Variants in PCLO observed in about 807,000 individuals in gnomAD.
The protein encoded by PCLO is piccolo presynaptic cytomatrix protein, also known as protein piccolo.
PCLO carries 82 observed loss-of-function variants against 427.5 expected under a neutral mutation model. That is an observed-to-expected ratio of 0.19 (90% CI 0.16 to 0.23). PCLO has a LOEUF of 0.23. Among genes scored for constraint, PCLO ranks in the 10% least tolerant of loss-of-function variants. The pLI is 1.00. For missense variants in PCLO, 6,239 were observed against 6,115.9 expected (o/e 1.02, Z -0.67); for synonymous variants, 2,357 against 2,155.4 (o/e 1.09, Z -2.59).
At position 83,024,252 on chromosome 7, in the gene PCLO, C is replaced by T. The variant is rs191808023; in HGVS notation, c.3301-57765G>A. 6.6e-3 allele frequency among the ~76,000 whole-genome samples: 1,003 copies of T among 152,266 alleles called. 12 individuals are homozygous for T. The highest frequency in any genetic ancestry group is 0.023 in the African/African-American group (950 of 41,566). The stretch of plus-strand genomic sequence containing the variant: ...GGCTCAAGTCAGTGGGTGCGCGCAC[C>T]ATGCGCGAGCCGAAGCAGGGTGAGG... On this transcript the variant is annotated intron_variant, in intron 3 of 24. Coordinates refer to ENST00000333891, the MANE Select transcript of PCLO (RefSeq NM_033026.6).
At chr7:82,832,518 G>A (rs1792120441) in intron 16 of PCLO, among the ~76,000 whole-genome samples, 1 of 151,976 alleles carries the variant, frequency 6.6e-6, no homozygotes, top group Non-Finnish European at 1.5e-5. Flanking sequence ...CTCCCAAAGT[G>A]CTGGTGGTTT....
intron 13 of PCLO, among the ~76,000 whole-genome samples, chr7:82,844,570 T>G (rs1792450989): frequency 6.6e-6 from 1 of 152,172 alleles, no homozygotes; most frequent in African/African-American, 2.4e-5. Flanking sequence ...AAACCTTTAT[T>G]CATTTTTAAA....
intron 1 of PCLO, among the ~76,000 whole-genome samples, chr7:83,161,788 C>T (rs1792443525): frequency 6.6e-6 from 1 of 152,162 alleles, no homozygotes; most frequent in East Asian, 1.9e-4. Context: ...TTTAGGGTTC[C>T]TCAATGAATA....
At chr7:82,839,156 T>A (rs1232195065) in intron 14 of PCLO, among the ~76,000 whole-genome samples, 1 of 152,082 alleles carries the variant, frequency 6.6e-6, no homozygotes, top group African/African-American at 2.4e-5. Context: ...TGATGTTACT[T>A]TTGTTTGTTA....
intron 10 of PCLO, 71 bp downstream of exon 10, chr7:82,879,266 G>T: frequency 7.7e-7 from 1 of 1,290,364 alleles, no homozygotes; most frequent in Non-Finnish European, 1.1e-6. Context: ...GAGAACATTT[G>T]CATATTAAAT....
intron 9 of PCLO, among the ~76,000 whole-genome samples, chr7:82,902,093 T>C (rs981139641): frequency 3.3e-5 from 5 of 151,892 alleles, no homozygotes; most frequent in Non-Finnish European, 5.9e-5. Flanking sequence ...CCCAAAGGAC[T>C]ATAAATCATG....
chr7:83,120,259 AG>A (rs1313749497), intron 3 of PCLO, among the ~76,000 whole-genome samples: 1 of 151,852 alleles, frequency 6.6e-6, no homozygotes, highest in Non-Finnish European at 1.5e-5. Flanking sequence ...AAAAGTAGCC[AG>A]GTGTGATGGC....
At chr7:82,829,332 C>G (rs752398622) in intron 16 of PCLO, among the ~76,000 whole-genome samples, 1 of 152,104 alleles carries the variant, frequency 6.6e-6, no homozygotes, top group Non-Finnish European at 1.5e-5. Context: ...GCTTACTCCC[C>G]GAAGGAAAGT....
At chr7:82,825,661 C>T (rs947945678) in intron 18 of PCLO, among the ~76,000 whole-genome samples, 18 of 147,168 alleles carry the variant, frequency 1.2e-4, no homozygotes, top group Non-Finnish European at 6.0e-5. Context: ...AGTATATATA[C>T]ATTGTATATA....
intron 10 of PCLO, among the ~76,000 whole-genome samples, chr7:82,858,702 T>C (rs1005377933): frequency 2.0e-5 from 3 of 152,220 alleles, no homozygotes; most frequent in Middle Eastern, 3.4e-3. Flanking sequence ...AAAGAAATTT[T>C]GAAATATCAT....
intron 3 of PCLO, among the ~76,000 whole-genome samples, chr7:83,053,944 A>G (rs1789314912): frequency 1.3e-5 from 2 of 151,998 alleles, no homozygotes; most frequent in South Asian, 2.1e-4. Flanking sequence ...AAATATAGGT[A>G]TATACAAAAT....
intron 3 of PCLO, among the ~76,000 whole-genome samples, chr7:83,051,855 C>T (rs1314225126): frequency 1.3e-5 from 2 of 151,946 alleles, no homozygotes; most frequent in East Asian, 3.9e-4. Context: ...AGAAAGACGA[C>T]TCATAGATCA....
At chr7:82,911,780 G>T (rs564450285) in intron 7 of PCLO, among the ~76,000 whole-genome samples, 2 of 151,842 alleles carry the variant, frequency 1.3e-5, no homozygotes, top group African/African-American at 4.8e-5. Flanking sequence ...GTGCCACTAC[G>T]CCCAGCTAAT....
intron 9 of PCLO, among the ~76,000 whole-genome samples, chr7:82,897,501 G>T (rs1793934263): frequency 6.6e-6 from 1 of 151,386 alleles, no homozygotes; most frequent in African/African-American, 2.4e-5. Flanking sequence ...CACATACATA[G>T]GTATAGGTAT....
At chr7:82,762,132 GA>G (rs1790444506) in intron 22 of PCLO, among the ~76,000 whole-genome samples, 1 of 152,028 alleles carries the variant, frequency 6.6e-6, no homozygotes, top group Admixed American at 6.6e-5. Flanking sequence ...CTATTGGGAA[GA>G]AAACCATTCA....
chr7:83,017,791 A>C (rs1424569249), intron 3 of PCLO: 7 of 152,068 alleles, frequency 4.6e-5, no homozygotes, highest in Admixed American at 4.6e-4. Flanking sequence ...ATTATACAAC[A>C]TATAAAGACT....
chr7:82,804,142 G>T (rs78507577), intron 21 of PCLO, among the ~76,000 whole-genome samples: 5,183 of 152,196 alleles, frequency 0.034, 311 homozygotes, highest in African/African-American at 0.12. Flanking sequence ...GAAATTTAAA[G>T]AATTTGTAGA....
chr7:83,037,151 C>A (rs1021430068), intron 3 of PCLO, among the ~76,000 whole-genome samples: 2 of 152,100 alleles, frequency 1.3e-5, no homozygotes, highest in Non-Finnish European at 2.9e-5. Context: ...AGCAGTTAAG[C>A]AAACCAGTTT....
At chr7:83,148,764 A>G (rs1401642493) in intron 2 of PCLO, among the ~76,000 whole-genome samples, 3 of 98,872 alleles carry the variant, frequency 3.0e-5, no homozygotes, top group Non-Finnish European at 6.8e-5. Context: ...GTCAGTTCAT[A>G]TATGTCATTC....
Sources: gnomAD v4.1 joint callset for allele counts (sites outside exome capture counted in the v4.1 genomes callset) on GRCh38, gnomAD v4.1.1 for gene constraint, MANE v1.5 for transcripts, NCBI Gene and HGNC (gene_info 2026-07-23, HGNC 2026-07-21) for gene names.